NDUFB6: variants seen among roughly 807,000 people sequenced by gnomAD.
NDUFB6 encodes NADH:ubiquinone oxidoreductase subunit B6.
Under a neutral mutation model 17.5 loss-of-function variants are expected in NDUFB6, and 23 were observed. The observed-to-expected ratio is 1.31, with a 90% CI of 0.94 to 1.86. The LOEUF is 1.86. Ranked by LOEUF, NDUFB6 falls within the 40% of genes most tolerant of loss-of-function variation. The probability of loss-of-function intolerance (pLI) is 0.00; values close to 1 mark genes in which losing one functional copy is unlikely to be tolerated. For synonymous variants in NDUFB6, 60 were observed against 53.5 expected (o/e 1.12, Z -0.53); for missense variants, 167 against 153.8 (o/e 1.09, Z -0.46).
At chr9:32,566,569 G>A (rs1821796370) in intron 2 of NDUFB6, 1 of 781,574 alleles carries the variant, frequency 1.3e-6, no homozygotes, top group Non-Finnish European at 2.4e-6. Context: ...TGCACAGACT[G>A]GAGCTTCTGG....
chr9:32,569,590 T>A (rs2119036013), intron 2 of NDUFB6, among the ~76,000 whole-genome samples: 1 of 152,340 alleles, frequency 6.6e-6, no homozygotes, highest in East Asian at 1.9e-4. Context: ...CACAGTTTAT[T>A]GCAGCCTCGA....
At chr9:32,568,705 T>C (rs559766954) in intron 2 of NDUFB6, 55 of 158,942 alleles carry the variant, frequency 3.5e-4, no homozygotes, top group Non-Finnish European at 5.8e-4. Context: ...TGTATATATA[T>C]GTGTATGTAT....
rs796460423 is a variant in NDUFB6, at chr9:32,559,158, C to T, written c.274-204G>A. ...ACCAGGTCCCACACTTAACTTCTCC[C>T]ATCCCCAAACTGTTCCTCCCCATGT... On this transcript the variant is annotated intron_variant, in intron 2 of 3. Transcript: ENST00000379847. Among the ~76,000 whole-genome samples, 22 of 152,288 alleles carry T rather than the reference C, an allele frequency of 1.4e-4. 1 individual carries two copies. Among genetic ancestry groups the T allele is most frequent in the African/African-American group, 5.3e-4 (22 of 41,548 alleles).
rs556824539 is a variant in NDUFB6, at chr9:32,568,990, C to T, written c.273+1970G>A. On this transcript the variant is annotated intron_variant, in intron 2 of 3. Coordinates refer to ENST00000379847, the MANE Select transcript of NDUFB6 (RefSeq NM_002493.5). ...GGTCTTGAACTCCTGACCTCGTGAT[C>T]CACCTGCCTTGGCCTCCCAAAGTGG... Among the ~76,000 whole-genome samples the T allele has an allele frequency of 1.0e-3, 158 of 151,858 alleles. 1 individual carries two copies. In the South Asian group the frequency reaches 0.016, roughly 15 times the overall value.
intron 1 of NDUFB6, among the ~76,000 whole-genome samples, chr9:32,572,567 C>T (rs1821966473): frequency 6.6e-6 from 1 of 152,176 alleles, no homozygotes; most frequent in South Asian, 2.1e-4. Context: ...TCTAGCGAGT[C>T]CTTGGTTATT....
At chr9:32,568,748 A>ATATATTTT (rs1213123923) in intron 2 of NDUFB6, 16 of 114,358 alleles carry the variant, frequency 1.4e-4, no homozygotes, top group African/African-American at 5.1e-4. Flanking sequence ...ATATATATAT[A>ATATATTTT]TTTTTTTTTT....
chr9:32,557,526 C>A (rs1306065645), intron 3 of NDUFB6, among the ~76,000 whole-genome samples: 1 of 151,516 alleles, frequency 6.6e-6, no homozygotes, highest in African/African-American at 2.4e-5. Context: ...ATTTCTGAGG[C>A]TGGAGTGCAG....
chr9:32,566,003 A>G (rs1821774943), intron 2 of NDUFB6: 1 of 298,650 alleles, frequency 3.3e-6, no homozygotes, highest in Admixed American at 4.4e-5. Flanking sequence ...AATGATTCAG[A>G]AATGTACTGA....
intron 1 of NDUFB6, among the ~76,000 whole-genome samples, chr9:32,572,525 G>A (rs1415309318): frequency 2.0e-5 from 3 of 152,294 alleles, no homozygotes; most frequent in East Asian, 3.9e-4. Context: ...TCAGACAAGT[G>A]TCCTCAAATA....
At chr9:32,571,292 T>C (rs1821934565) in intron 1 of NDUFB6, among the ~76,000 whole-genome samples, 1 of 127,620 alleles carries the variant, frequency 7.8e-6, no homozygotes, top group African/African-American at 2.7e-5. Flanking sequence ...TGCAAGACTA[T>C]AACAAGGCAT....
chr9:32,558,305 G>A (rs996326039), intron 3 of NDUFB6, among the ~76,000 whole-genome samples: 1 of 152,010 alleles, frequency 6.6e-6, no homozygotes, highest in African/African-American at 2.4e-5. Context: ...TAGAGACGGG[G>A]TTTCACCGTG....
chr9:32,572,800 T>C (rs1337517988), intron 1 of NDUFB6, 81 bp downstream of exon 1: 2 of 1,315,186 alleles, frequency 1.5e-6, no homozygotes, highest in African/African-American at 1.5e-5. Context: ...TTGGTGTGGC[T>C]GCAGGGAGCG....
At chr9:32,568,731 C>CATATAT (rs774854110) in intron 2 of NDUFB6, 2,621 of 92,882 alleles carry the variant, frequency 0.028, 60 homozygotes, top group Middle Eastern at 0.071. Context: ...TGTGTGTGTG[C>CATATAT]ATATATATAT....
intron 3 of NDUFB6, among the ~76,000 whole-genome samples, chr9:32,558,186 A>G (rs1440504882): frequency 6.7e-6 from 1 of 148,960 alleles, no homozygotes; most frequent in Non-Finnish European, 1.5e-5. Flanking sequence ...ACCTCGGCTC[A>G]CTGCAAGCTC....
intron 1 of NDUFB6, 106 bp downstream of exon 1, chr9:32,572,775 G>C: frequency 9.2e-7 from 1 of 1,082,394 alleles, no homozygotes; most frequent in Non-Finnish European, 1.3e-6. Flanking sequence ...CCAGAGCACT[G>C]AGCGTTATCA....
At chr9:32,567,120 G>C (rs757985903) in intron 2 of NDUFB6, 2 of 481,138 alleles carry the variant, frequency 4.2e-6, no homozygotes, top group South Asian at 3.1e-5. Flanking sequence ...TTGTGCTTCT[G>C]GAGCACTGCA....
At chr9:32,555,129 T>C (rs995216149) in intron 3 of NDUFB6, among the ~76,000 whole-genome samples, 1 of 152,084 alleles carries the variant, frequency 6.6e-6, no homozygotes, top group African/African-American at 2.4e-5. Context: ...TCTAAAAATT[T>C]GGGCCAGTCA....
At chr9:32,563,879 T>A (rs1452071849) in intron 2 of NDUFB6, among the ~76,000 whole-genome samples, 1 of 152,236 alleles carries the variant, frequency 6.6e-6, no homozygotes, top group Non-Finnish European at 1.5e-5. Flanking sequence ...GCAAGCTGAC[T>A]CTGTGTCCTT....
At chr9:32,559,226 A>G (rs1821560349) in intron 2 of NDUFB6, among the ~76,000 whole-genome samples, 2 of 152,164 alleles carry the variant, frequency 1.3e-5, no homozygotes, top group African/African-American at 4.8e-5. Context: ...CCAGTTATGA[A>G]AGACAGAAAC....
Sources: allele counts gnomAD v4.1 joint callset (sites outside exome capture counted in the v4.1 genomes callset), GRCh38; gene constraint gnomAD v4.1.1; transcripts MANE v1.5; gene names NCBI Gene and HGNC (gene_info 2026-07-23, HGNC 2026-07-21).